Variants in CHCHD3 observed in about 807,000 individuals in gnomAD.
CHCHD3 encodes the protein coiled-coil-helix-coiled-coil-helix domain containing 3, also known as MICOS complex subunit MIC19.
CHCHD3 carries 20 observed loss-of-function variants against 38.2 expected under a neutral mutation model. That is an observed-to-expected ratio of 0.52 (90% CI 0.37 to 0.76). CHCHD3 has a LOEUF of 0.76. Among genes scored for constraint, CHCHD3 ranks in the 30% least tolerant of loss-of-function variants. The pLI, the probability that CHCHD3 is intolerant of heterozygous loss-of-function variation, is 0.00. For missense variants in CHCHD3, 245 were observed against 279.2 expected, an observed-to-expected ratio of 0.88 and a Z score of 0.87; for synonymous variants, 82 against 100.0, an observed-to-expected ratio of 0.82 and a Z score of 1.07.
At chr7:133,029,331 A>T (rs1813438369) in intron 2 of CHCHD3, among the ~76,000 whole-genome samples, 1 of 152,166 alleles carries the variant, frequency 6.6e-6, no homozygotes, top group Non-Finnish European at 1.5e-5. Context: ...TCAAGTAAAA[A>T]ATATTATTAA....
At chr7:133,014,847 C>T (rs1030850245) in intron 3 of CHCHD3, among the ~76,000 whole-genome samples, 14 of 152,206 alleles carry the variant, frequency 9.2e-5, no homozygotes, top group African/African-American at 2.9e-4. Context: ...CTCAGGAAAT[C>T]GCTAGTGAGC....
chr7:132,910,872 G>A (rs558375890), intron 4 of CHCHD3, among the ~76,000 whole-genome samples: 13 of 152,250 alleles, frequency 8.5e-5, no homozygotes, highest in African/African-American at 2.6e-4. Context: ...AGCTCACTAC[G>A]TAAGCATTAC....
intron 3 of CHCHD3, among the ~76,000 whole-genome samples, chr7:132,998,293 T>C (rs1287174797): frequency 6.6e-6 from 1 of 152,228 alleles, no homozygotes; most frequent in Admixed American, 6.5e-5. Flanking sequence ...TGTTCCTGAA[T>C]ATAAGTTTTA....
At chr7:132,893,254 T>C (rs560571242) in intron 4 of CHCHD3, among the ~76,000 whole-genome samples, 175 of 152,332 alleles carry the variant, frequency 1.1e-3, no homozygotes, top group African/African-American at 3.9e-3. Flanking sequence ...AAGGAGATTA[T>C]TTTAGAGCTT....
intron 2 of CHCHD3, among the ~76,000 whole-genome samples, chr7:133,028,509 T>G (rs1584655418): frequency 6.6e-6 from 1 of 151,670 alleles, no homozygotes; most frequent in Non-Finnish European, 1.5e-5. Context: ...CCTTAAGAGG[T>G]GAGACTGGGA....
intron 3 of CHCHD3, 84 bp downstream of exon 3, chr7:133,024,462 A>T (rs750209543): frequency 4.0e-6 from 4 of 1,003,522 alleles, no homozygotes; most frequent in Non-Finnish European, 6.4e-6. Context: ...AAATAATGAG[A>T]CTTATCACAA....
intron 6 of CHCHD3, among the ~76,000 whole-genome samples, chr7:132,808,985 T>C (rs1385151910): frequency 6.6e-6 from 1 of 151,570 alleles, no homozygotes; most frequent in Non-Finnish European, 1.5e-5. Context: ...GATCTCGCTC[T>C]ATCACCCAGG....
chr7:132,794,015 A>G (rs1293905661), intron 7 of CHCHD3, among the ~76,000 whole-genome samples: 3 of 152,204 alleles, frequency 2.0e-5, no homozygotes. Flanking sequence ...ACTGCTCATG[A>G]AACACTGATA....
chr7:133,075,701 A>G (rs1814966936), intron 1 of CHCHD3, among the ~76,000 whole-genome samples: 1 of 152,218 alleles, frequency 6.6e-6, no homozygotes, highest in Non-Finnish European at 1.5e-5. Flanking sequence ...CTTTCTGATA[A>G]AAAATGACCC....
chr7:133,025,430 C>A (rs947473034), intron 2 of CHCHD3, among the ~76,000 whole-genome samples: 1 of 152,184 alleles, frequency 6.6e-6, no homozygotes, highest in South Asian at 2.1e-4. Context: ...CCCAAAATTA[C>A]GAACAAGAAA....
At chr7:133,034,581 G>C in intron 2 of CHCHD3, 1 of 1,486,524 alleles carries the variant, frequency 6.7e-7, no homozygotes, top group Non-Finnish European at 9.1e-7. Context: ...GGCAGGTGCA[G>C]GCAGCTAGGT....
chr7:132,951,117 G>A (rs1380781617), intron 4 of CHCHD3, among the ~76,000 whole-genome samples: 3 of 152,172 alleles, frequency 2.0e-5, no homozygotes, highest in East Asian at 1.9e-4. Context: ...CTAATGTCAT[G>A]ATCCCCCACT....
At chr7:132,940,729 C>T (rs922935247) in intron 4 of CHCHD3, among the ~76,000 whole-genome samples, 1 of 152,084 alleles carries the variant, frequency 6.6e-6, no homozygotes, top group Non-Finnish European at 1.5e-5. Context: ...GAGTTTATTC[C>T]ATTGACTTGG....
intron 4 of CHCHD3, among the ~76,000 whole-genome samples, chr7:132,891,817 G>A (rs1287618607): frequency 2.0e-5 from 3 of 152,174 alleles, no homozygotes; most frequent in African/African-American, 7.2e-5. Context: ...TAGTGAGTGG[G>A]TGCTCACAAG....
intron 3 of CHCHD3, among the ~76,000 whole-genome samples, chr7:132,980,260 G>A (rs1271942890): frequency 6.6e-6 from 1 of 152,210 alleles, no homozygotes; most frequent in Non-Finnish European, 1.5e-5. Flanking sequence ...GACTTTATAT[G>A]TAAAGGCAGG....
rs3049326 is a variant in CHCHD3 at position 133,015,348 on chromosome 7, TTAAATAAA to T, written c.251+9190_251+9197del. Among the ~76,000 whole-genome samples, 575 of 143,976 alleles carry T rather than the reference TTAAATAAA, an allele frequency of 4.0e-3. 4 individuals carry two copies. The highest frequency in any genetic ancestry group is 0.012 in the African/African-American group (483 of 39,204). 94.5% of individuals were successfully genotyped at this position (143,976 alleles called of 152,430 possible). On this transcript the variant is annotated intron_variant, in intron 3 of 7. Coordinates refer to ENST00000262570, the MANE Select transcript of CHCHD3 (RefSeq NM_017812.4). ...ACAGAGCCAGACAACGTCTCAAAAA[TTAAATAAA>T]TAAATAAATAAATAAATAAATAAAT...
intron 2 of CHCHD3, among the ~76,000 whole-genome samples, chr7:133,067,079 T>C (rs1467438204): frequency 6.6e-6 from 1 of 152,218 alleles, no homozygotes; most frequent in African/African-American, 2.4e-5. Context: ...TCACTTCAAG[T>C]CTCAGTTTCT....
chr7:132,821,488 A>C (rs927444843), intron 6 of CHCHD3, among the ~76,000 whole-genome samples: 5 of 152,140 alleles, frequency 3.3e-5, no homozygotes, highest in Non-Finnish European at 7.3e-5. Context: ...GGCGTGGAAA[A>C]ATGAAGAGAA....
chr7:132,910,271 T>G (rs1001883394), intron 4 of CHCHD3, among the ~76,000 whole-genome samples: 1 of 152,132 alleles, frequency 6.6e-6, no homozygotes, highest in African/African-American at 2.4e-5. Flanking sequence ...TTTATTACTG[T>G]ATGATCAGAG....
Sources: allele counts gnomAD v4.1 joint callset (sites outside exome capture counted in the v4.1 genomes callset), GRCh38; gene constraint gnomAD v4.1.1; transcripts MANE v1.5; gene names NCBI Gene and HGNC (gene_info 2026-07-23, HGNC 2026-07-21).